The following RASEF variants were observed in gnomAD, a reference collection of about 807,000 sequenced individuals.
The protein encoded by RASEF is ras and EF-hand domain-containing protein.
In RASEF, 68 loss-of-function variants were observed where a neutral mutation model predicts 90.1. The observed-to-expected ratio is 0.75, with a 90% CI of 0.62 to 0.92. RASEF has a LOEUF of 0.92. RASEF is among the 40% of genes least tolerant of loss of function. The pLI, the probability that RASEF is intolerant of heterozygous loss-of-function variation, is 0.00. For synonymous variants in RASEF, 331 were observed against 345.2 expected, an observed-to-expected ratio of 0.96 and a Z score of 0.46; for missense variants, 949 against 937.2, an observed-to-expected ratio of 1.01 and a Z score of -0.16.
the RASEF span, among the ~76,000 whole-genome samples, chr9:83,072,344 T>C: frequency 1.3e-5 from 2 of 152,334 alleles, no homozygotes; most frequent in South Asian, 4.1e-4. Flanking sequence ...CTGTTTCCTC[T>C]GTCCAGTATC....
At chr9:83,128,024 T>C in the RASEF span, among the ~76,000 whole-genome samples, 2 of 112,038 alleles carry the variant, frequency 1.8e-5, no homozygotes, top group Non-Finnish European at 3.6e-5. Flanking sequence ...ATTTTTCTTT[T>C]CTTTTTTTTT....
chr9:83,101,065 A>T, the RASEF span, among the ~76,000 whole-genome samples: 4 of 152,298 alleles, frequency 2.6e-5, no homozygotes, highest in South Asian at 8.3e-4. Context: ...AACCCTTCTT[A>T]TCACACAGAT....
chr9:82,998,356 T>G lies in RASEF; in HGVS notation c.1805+9A>C, dbSNP rs1425527188. On this transcript the variant is annotated intron_variant, in intron 13 of 16. Coordinates refer to ENST00000376447, the MANE Select transcript of RASEF (RefSeq NM_152573.4). ...CAGGATATCCCATAGCGCTGCGGAA[T>G]GCACTTGCCTCTCCTGACCAGCTGT... is the stretch of plus-strand genomic sequence containing the variant. 3 of 1,592,672 alleles carry G rather than the reference T, an allele frequency of 1.9e-6. No individual in the cohort carries two copies. The highest frequency in any genetic ancestry group is 2.2e-5 in the East Asian group (1 of 44,770).
chr9:83,068,592 C>G, the RASEF span, among the ~76,000 whole-genome samples: 1 of 152,196 alleles, frequency 6.6e-6, no homozygotes, highest in Non-Finnish European at 1.5e-5. Context: ...GGACTCTGAG[C>G]TTGTGATGAG....
the RASEF span, among the ~76,000 whole-genome samples, chr9:83,183,257 T>G: frequency 4.7e-5 from 2 of 42,602 alleles, no homozygotes; most frequent in Non-Finnish European, 7.8e-5. Flanking sequence ...CAGATTTGTG[T>G]GTGTGTATAT....
At chr9:83,132,700 T>C in the RASEF span, among the ~76,000 whole-genome samples, 2 of 152,194 alleles carry the variant, frequency 1.3e-5, no homozygotes, top group Non-Finnish European at 2.9e-5. Context: ...TAGTATGCAG[T>C]ATTTCCCAAT....
the RASEF span, among the ~76,000 whole-genome samples, chr9:83,192,678 A>C: frequency 1.3e-5 from 2 of 152,132 alleles, no homozygotes; most frequent in South Asian, 4.2e-4. Context: ...CCTGTATAAC[A>C]AACCTGCACA....
At chr9:83,165,493 C>G in the RASEF span, among the ~76,000 whole-genome samples, 1 of 151,938 alleles carries the variant, frequency 6.6e-6, no homozygotes, top group Non-Finnish European at 1.5e-5. Flanking sequence ...TTTTGTTAGC[C>G]ACAAAGCAGT....
the RASEF span, among the ~76,000 whole-genome samples, chr9:83,149,681 C>A: frequency 6.6e-6 from 1 of 152,140 alleles, no homozygotes; most frequent in African/African-American, 2.4e-5. Flanking sequence ...TCAACTCTGG[C>A]CACCCCATGA....
chr9:83,180,446 G>C, the RASEF span, among the ~76,000 whole-genome samples: 2 of 151,488 alleles, frequency 1.3e-5, no homozygotes, highest in Admixed American at 6.6e-5. Flanking sequence ...ATAGTAAATG[G>C]GGAAGCTCCT....
chr9:83,135,410 G>A, the RASEF span, among the ~76,000 whole-genome samples: 16 of 152,076 alleles, frequency 1.1e-4, no homozygotes, highest in East Asian at 3.1e-3. Context: ...GAGTTAATGG[G>A]TGCAGCAAAC....
chr9:82,988,071 C>T (rs1828742142), intron 16 of RASEF, among the ~76,000 whole-genome samples: 1 of 152,214 alleles, frequency 6.6e-6, no homozygotes, highest in Non-Finnish European at 1.5e-5. Context: ...CCATCTGTGC[C>T]AGCAACTATA....
rs374138911 is a variant in RASEF, at chr9:83,049,780, G to C, written c.431+12657C>G. On this transcript the variant is annotated intron_variant, in intron 1 of 16. Transcript: ENST00000376447. ...TTGTTCAATTCCCACCTATGAGTGA[G>C]AATATGCGGTGTTTGGTTTTTTGTT... Among the ~76,000 whole-genome samples the C allele has an allele frequency of 9.0e-4, 92 of 101,680 alleles. No individual in the cohort carries two copies. In the East Asian group the frequency reaches 0.013, roughly 14 times the overall value. 66.7% of individuals were successfully genotyped at this position (101,680 alleles called of 152,430 possible).
chr9:83,056,551 C>T (rs1830106778), intron 1 of RASEF, among the ~76,000 whole-genome samples: 1 of 152,174 alleles, frequency 6.6e-6, no homozygotes, highest in Non-Finnish European at 1.5e-5. Context: ...AACCTTTCCC[C>T]ATATGATACG....
chr9:83,151,418 A>G, the RASEF span, among the ~76,000 whole-genome samples: 2 of 152,180 alleles, frequency 1.3e-5, no homozygotes, highest in Non-Finnish European at 1.5e-5. Flanking sequence ...GTTAGCCCCC[A>G]GCTTTCTAGA....
the RASEF span, among the ~76,000 whole-genome samples, chr9:83,105,290 T>A: frequency 6.6e-6 from 1 of 152,030 alleles, no homozygotes; most frequent in Non-Finnish European, 1.5e-5. Flanking sequence ...TAGTATAGAA[T>A]CCTATACTGA....
At position 82,992,310 on chromosome 9, in the gene RASEF, G is replaced by T. The variant is rs144266124; in HGVS notation, c.2040+596C>A. ...GTAGCATTCTGACATGATGACAGAT[G>T]ACACTGATGGGAGAATAAACACTGC... is the stretch of plus-strand genomic sequence containing the variant. On this transcript the variant is annotated intron_variant, in intron 15 of 16. Transcript: ENST00000376447. 6.5e-3 allele frequency among the ~76,000 whole-genome samples: 991 copies of T among 152,302 alleles called. 1 individual carries two copies. The highest frequency in any genetic ancestry group is 0.011 in the Admixed American group (161 of 15,304).
At chr9:83,092,511 G>T in the RASEF span, among the ~76,000 whole-genome samples, 10 of 151,738 alleles carry the variant, frequency 6.6e-5, no homozygotes, top group Non-Finnish European at 1.3e-4. Flanking sequence ...GGAGTTGTTC[G>T]TTCCTCCCGG....
the RASEF span, among the ~76,000 whole-genome samples, chr9:83,113,495 G>T: frequency 6.6e-6 from 1 of 152,148 alleles, no homozygotes; most frequent in Non-Finnish European, 1.5e-5. Flanking sequence ...CTGTCTGCGG[G>T]GTCTGGCAGA....
Sources: gnomAD v4.1 joint callset for allele counts (sites outside exome capture counted in the v4.1 genomes callset) on GRCh38, gnomAD v4.1.1 for gene constraint, MANE v1.5 for transcripts, NCBI Gene and HGNC (gene_info 2026-07-23, HGNC 2026-07-21) for gene names.